Variants in MLIP observed in about 807,000 individuals in gnomAD.
The protein encoded by MLIP is muscular LMNA-interacting protein.
MLIP carries 79 observed loss-of-function variants against 84.8 expected under a neutral mutation model. The ratio of observed to expected loss-of-function variants is 0.93; its 90% CI spans 0.78 to 1.12. MLIP has a LOEUF of 1.12. Among genes scored for constraint, MLIP ranks in the 50% most tolerant of loss-of-function variants. The probability of loss-of-function intolerance (pLI) is 0.00; values close to 1 mark genes in which losing one functional copy is unlikely to be tolerated. For synonymous variants in MLIP, 504 were observed against 463.0 expected (o/e 1.09, Z -1.14); for missense variants, 1,257 against 1,160.6 (o/e 1.08, Z -1.21).
chr6:54,099,605 C>CGAA (rs1408177576), intron 1 of MLIP: 2 of 152,136 alleles, frequency 1.3e-5, no homozygotes, highest in Non-Finnish European at 2.9e-5. Flanking sequence ...TAACCCTTTT[C>CGAA]AGGTAACCAA....
At chr6:54,212,870 A>G (rs1562064694) in intron 11 of MLIP, among the ~76,000 whole-genome samples, 1 of 152,206 alleles carries the variant, frequency 6.6e-6, no homozygotes, top group Non-Finnish European at 1.5e-5. Context: ...GGCATTTGCT[A>G]CTTAAGTTAC....
At position 54,217,357 on chromosome 6, in the gene MLIP, G is replaced by A. The variant is rs572423272; in HGVS notation, c.2719-13357G>A. ...AAAATGCCGTAAAATGCCCTTTGAT[G>A]TTGCAATGGAAACAGTTTTTGAAGT... On this transcript the variant is annotated intron_variant, in intron 11 of 13. Transcript: ENST00000502396. The A allele has an allele frequency of 8.1e-6, 8 of 985,398 alleles. No homozygotes were observed. In the Admixed American group the frequency reaches 3.1e-4, roughly 38 times the overall value. The allele number at this position is 985,398 out of a possible 1,614,324, so 61.0% of individuals were successfully genotyped here.
intron 1 of MLIP, among the ~76,000 whole-genome samples, chr6:54,025,683 T>C (rs527675193): frequency 6.6e-6 from 1 of 152,288 alleles, no homozygotes; most frequent in East Asian, 1.9e-4. Context: ...TCCTTTTGTC[T>C]GAGGGACAAT....
chr6:54,087,257 G>A (rs530562090), intron 1 of MLIP, among the ~76,000 whole-genome samples: 9 of 152,250 alleles, frequency 5.9e-5, no homozygotes, highest in South Asian at 2.1e-4. Flanking sequence ...GACTATGAGC[G>A]TAGAGGGCAA....
intron 10 of MLIP, among the ~76,000 whole-genome samples, chr6:54,190,652 T>G (rs1422478614): frequency 6.6e-6 from 1 of 152,148 alleles, no homozygotes; most frequent in Non-Finnish European, 1.5e-5. Context: ...AGATCCAGAC[T>G]CTAAAATCTG....
At chr6:54,126,938 C>T (rs532170221) in intron 3 of MLIP, among the ~76,000 whole-genome samples, 1 of 152,188 alleles carries the variant, frequency 6.6e-6, no homozygotes, top group Admixed American at 6.5e-5. Flanking sequence ...TTAACCTTTC[C>T]ATGACCTAGC....
intron 3 of MLIP, among the ~76,000 whole-genome samples, chr6:54,133,012 G>A (rs1771513568): frequency 6.6e-6 from 1 of 152,202 alleles, no homozygotes; most frequent in Admixed American, 6.5e-5. Flanking sequence ...ATTGGCAAGA[G>A]AGGATTGGCA....
At chr6:54,169,598 C>G (rs754034909) in intron 9 of MLIP, 26 bp downstream of exon 9, 1 of 1,531,130 alleles carries the variant, frequency 6.5e-7, no homozygotes, top group South Asian at 1.2e-5. Context: ...ATTATACACA[C>G]TGCTTTTCAA....
At chr6:54,046,468 C>T (rs926414398) in intron 1 of MLIP, 1 of 152,114 alleles carries the variant, frequency 6.6e-6, no homozygotes, top group Non-Finnish European at 1.5e-5. Context: ...ATCCTGTGTG[C>T]AAGTTTCAAA....
intron 1 of MLIP, among the ~76,000 whole-genome samples, chr6:54,091,055 C>T (rs1010756752): frequency 2.0e-5 from 3 of 152,040 alleles, no homozygotes; most frequent in Admixed American, 6.6e-5. Context: ...TATTTAGAAA[C>T]GTCCCTTGCC....
Position 54,023,174 on chromosome 6 carries a change from AAT to A in MLIP, c.63+4085_63+4086del, listed in dbSNP as rs1445271675. 1.3e-3 allele frequency among the ~76,000 whole-genome samples: 18 copies of A among 13,482 alleles called. No homozygotes were observed. The East Asian group carries it at 0.38, about 281-fold the overall frequency. 8.8% of individuals were successfully genotyped at this position (13,482 alleles called of 152,430 possible). ...AGAGCGAGACTCCATCTCAAAAAAT[AAT>A]AATAATAATAATAATAATAATGATA... On this transcript the variant is annotated intron_variant, in intron 1 of 12. Coordinates refer to the MLIP transcript ENST00000274897.
chr6:54,082,335 G>T (rs1383751232), intron 1 of MLIP, among the ~76,000 whole-genome samples: 1 of 152,124 alleles, frequency 6.6e-6, no homozygotes, highest in Non-Finnish European at 1.5e-5. Flanking sequence ...TGGGCTAGGT[G>T]CAGGAGTTTG....
chr6:54,214,212 C>T (rs1022635570), intron 11 of MLIP, among the ~76,000 whole-genome samples: 4 of 152,194 alleles, frequency 2.6e-5, no homozygotes, highest in Non-Finnish European at 5.9e-5. Flanking sequence ...CTCAAAATGA[C>T]ATCTGTCAGA....
At chr6:54,181,725 A>G (rs1489800303) in intron 9 of MLIP, among the ~76,000 whole-genome samples, 1 of 152,154 alleles carries the variant, frequency 6.6e-6, no homozygotes, top group Non-Finnish European at 1.5e-5. Context: ...TTAGTCAGCA[A>G]GTGATGAGTC....
chr6:54,251,441 CATATAT>C (rs148476876), intron 12 of MLIP, among the ~76,000 whole-genome samples: 13 of 88,948 alleles, frequency 1.5e-4, no homozygotes, highest in African/African-American at 4.9e-4. Context: ...TGAAACAAGC[CATATAT>C]ATATATATAT....
chr6:54,249,664 C>T (rs1354754208), intron 12 of MLIP, among the ~76,000 whole-genome samples: 1 of 151,576 alleles, frequency 6.6e-6, no homozygotes, highest in Non-Finnish European at 1.5e-5. Flanking sequence ...GACCTATTCT[C>T]AAGCAGCTTG....
rs147011372 is a variant in MLIP at position 54,116,774 on chromosome 6, A to G, written c.97-4673A>G. 2.1e-3 allele frequency among the ~76,000 whole-genome samples: 323 copies of G among 152,334 alleles called. 2 individuals carry two copies. Among genetic ancestry groups the G allele is most frequent in the African/African-American group, 7.4e-3 (308 of 41,576 alleles). On this transcript the variant is annotated intron_variant, in intron 1 of 13. Coordinates refer to ENST00000502396, the MANE Select transcript of MLIP (RefSeq NM_001281747.2). The stretch of plus-strand genomic sequence containing the variant: ...CTTGCATTACCCTGATGCCAAAACC[A>G]GACAACAACACAACAAGAAAAGAAA...
At chr6:54,022,139 C>T (rs1763530739) in intron 1 of MLIP, among the ~76,000 whole-genome samples, 1 of 152,100 alleles carries the variant, frequency 6.6e-6, no homozygotes, top group African/African-American at 2.4e-5. Flanking sequence ...TCTGATTTTC[C>T]AAAATGCTTC....
chr6:54,145,089 G>T (rs1280647188), intron 4 of MLIP, among the ~76,000 whole-genome samples: 1 of 152,184 alleles, frequency 6.6e-6, no homozygotes, highest in African/African-American at 2.4e-5. Flanking sequence ...TGAAAGCATA[G>T]ATTACAAATT....
Sources: gnomAD v4.1 joint callset for allele counts (sites outside exome capture counted in the v4.1 genomes callset) on GRCh38, gnomAD v4.1.1 for gene constraint, MANE v1.5 for transcripts, NCBI Gene and HGNC (gene_info 2026-07-23, HGNC 2026-07-21) for gene names.